The following ZNF383 variants were observed in gnomAD, a reference collection of about 807,000 sequenced individuals.
ZNF383 encodes zinc finger protein 383.
Under a neutral mutation model 44.2 loss-of-function variants are expected in ZNF383, and 32 were observed. That is an observed-to-expected ratio of 0.72 (90% CI 0.55 to 0.97). The LOEUF (loss-of-function observed/expected upper bound fraction) is 0.97, where lower values mean the gene tolerates loss of function less well. Ranked by LOEUF, ZNF383 falls within the 50% of genes least tolerant of loss-of-function variation. ZNF383 has a pLI of 0.00. For synonymous variants in ZNF383, 155 were observed against 186.2 expected, an observed-to-expected ratio of 0.83 and a Z score of 1.36; for missense variants, 487 against 562.5, an observed-to-expected ratio of 0.87 and a Z score of 1.36.
intron 1 of ZNF383, among the ~76,000 whole-genome samples, chr19:37,220,084 A>G (rs1972845085): frequency 6.6e-6 from 1 of 152,346 alleles, no homozygotes; most frequent in African/African-American, 2.4e-5. Context: ...GAAATAACCC[A>G]GTAATATTTT....
intron 2 of ZNF383, among the ~76,000 whole-genome samples, chr19:37,225,681 A>G (rs576185166): frequency 9.9e-5 from 15 of 152,272 alleles, no homozygotes; most frequent in African/African-American, 3.6e-4. Context: ...GCAGTTAGTC[A>G]GTAGACACAC....
At chr19:37,221,918 C>T (rs913112433) in intron 1 of ZNF383, among the ~76,000 whole-genome samples, 14 of 148,240 alleles carry the variant, frequency 9.4e-5, no homozygotes, top group South Asian at 2.1e-4. Flanking sequence ...ATTGTGCCAC[C>T]GCACTCCAGC....
chr19:37,242,222 C>T (rs552139692), intron 5 of ZNF383, among the ~76,000 whole-genome samples: 1 of 149,114 alleles, frequency 6.7e-6, no homozygotes, highest in South Asian at 2.2e-4. Flanking sequence ...TGATTCTGAT[C>T]CACATCCATA....
chr19:37,224,002 C>T (rs1973043001), intron 1 of ZNF383, among the ~76,000 whole-genome samples: 1 of 151,766 alleles, frequency 6.6e-6, no homozygotes, highest in African/African-American at 2.4e-5. Context: ...CCACTGCACT[C>T]CAGCCTGGGC....
At chr19:37,225,597 T>A (rs1179978726) in intron 2 of ZNF383, among the ~76,000 whole-genome samples, 1 of 152,074 alleles carries the variant, frequency 6.6e-6, no homozygotes, top group African/African-American at 2.4e-5. Context: ...GTGGAATCAT[T>A]TATAATAGTA....
In ZNF383 at chr19:37,247,814, A is replaced by T. The variant is rs1974422179; in HGVS notation, c.*4150A>T. The T allele has an allele frequency of 6.6e-6, 1 of 152,098 alleles. No individual in the cohort carries two copies. Among genetic ancestry groups the T allele is most frequent in the South Asian group, 2.1e-4 (1 of 4,828 alleles). The allele number at this position is 152,098 out of a possible 1,614,324, so 9.4% of individuals were successfully genotyped here. On this transcript the variant is annotated 3_prime_UTR_variant, in exon 6 of 6. Coordinates refer to ENST00000684119, the MANE Select transcript of ZNF383 (RefSeq NM_001387601.1). ...AACTGGAGGTGTAAAATCTTAATAG[A>T]CCTCCCTCCAGAATAAACTTATTTA...
chr19:37,246,715 G>A lies in ZNF383; in HGVS notation c.*3051G>A, dbSNP rs1470356849. 1 of 152,108 alleles carries A rather than the reference G, an allele frequency of 6.6e-6. No homozygotes were observed. The highest frequency in any genetic ancestry group is 2.4e-5 in the African/African-American group (1 of 41,412). The allele number at this position is 152,108 out of a possible 1,614,324, so 9.4% of individuals were successfully genotyped here. A position where few individuals can be genotyped will look rare whatever the true frequency, so the allele number is the denominator to read the frequency against. On this transcript the variant is annotated 3_prime_UTR_variant, in exon 6 of 6. Coordinates refer to ENST00000684119, the MANE Select transcript of ZNF383 (RefSeq NM_001387601.1). ...GAGGTGGGAGGATTGCTTGAACCTG[G>A]GAGTTGGAGGTTATAGTGAGCTGAG... is the stretch of plus-strand genomic sequence containing the variant.
chr19:37,221,982 A>T (rs1323243307), intron 1 of ZNF383, among the ~76,000 whole-genome samples: 1 of 151,088 alleles, frequency 6.6e-6, no homozygotes, highest in African/African-American at 2.4e-5. Context: ...AAGAAAAAGC[A>T]TATTCCTTTG....
At chr19:37,233,910 G>C (rs1973634865) in intron 3 of ZNF383, among the ~76,000 whole-genome samples, 1 of 151,166 alleles carries the variant, frequency 6.6e-6, no homozygotes, top group South Asian at 2.1e-4. Flanking sequence ...TATCGCCCAG[G>C]CTGGAGTGCA....
chr19:37,227,953 C>A (rs939697763), intron 2 of ZNF383, among the ~76,000 whole-genome samples: 5 of 152,188 alleles, frequency 3.3e-5, no homozygotes, highest in African/African-American at 1.2e-4. Flanking sequence ...AACATGAAAG[C>A]GGACCAGGAG....
chr19:37,224,198 A>C (rs1476126937), intron 1 of ZNF383, among the ~76,000 whole-genome samples: 3 of 152,212 alleles, frequency 2.0e-5, no homozygotes, highest in Non-Finnish European at 4.4e-5. Context: ...GGTATTGCAT[A>C]TATTTAAGGT....
At chr19:37,226,937 T>A (rs1343241982) in intron 2 of ZNF383, among the ~76,000 whole-genome samples, 1 of 151,926 alleles carries the variant, frequency 6.6e-6, no homozygotes, top group African/African-American at 2.4e-5. Context: ...GCCTCCCAAG[T>A]AGCTGCGACT....
At chr19:37,230,183 A>C (rs1027382603) in intron 2 of ZNF383, among the ~76,000 whole-genome samples, 4 of 152,156 alleles carry the variant, frequency 2.6e-5, no homozygotes, top group African/African-American at 4.8e-5. Context: ...GCAGGAACTT[A>C]GGTTGTTTGC....
chr19:37,223,568 A>T (rs972330754), intron 1 of ZNF383, among the ~76,000 whole-genome samples: 1 of 152,214 alleles, frequency 6.6e-6, no homozygotes, highest in Non-Finnish European at 1.5e-5. Context: ...AAATATCCCA[A>T]TGTTTGGGAT....
intron 2 of ZNF383, among the ~76,000 whole-genome samples, chr19:37,228,925 A>G (rs1032789921): frequency 6.6e-6 from 1 of 151,940 alleles, no homozygotes; most frequent in Non-Finnish European, 1.5e-5. Context: ...TTTCTTACAT[A>G]TTATTATGGA....
intron 2 of ZNF383, among the ~76,000 whole-genome samples, chr19:37,228,417 ATATT>A (rs1883342202): frequency 6.6e-6 from 1 of 150,862 alleles, no homozygotes; most frequent in South Asian, 2.1e-4. Flanking sequence ...CTAATGATTA[ATATT>A]TATATATAAT....
intron 2 of ZNF383, among the ~76,000 whole-genome samples, chr19:37,228,449 A>G (rs1025975744): frequency 8.6e-5 from 13 of 151,190 alleles, no homozygotes; most frequent in Admixed American, 3.3e-4. Flanking sequence ...TATTTTTAGT[A>G]TAACTATTTT....
At chr19:37,240,701 TTC>T (rs1974040925) in intron 5 of ZNF383, among the ~76,000 whole-genome samples, 1 of 152,238 alleles carries the variant, frequency 6.6e-6, no homozygotes, top group African/African-American at 2.4e-5. Flanking sequence ...CATAAAATAA[TTC>T]TGAGTTTTCC....
chr19:37,245,229 G>A lies in ZNF383; in HGVS notation c.*1565G>A, dbSNP rs376800794. 1 of 151,936 alleles carries A rather than the reference G, an allele frequency of 6.6e-6. No individual in the cohort carries two copies. The highest frequency in any genetic ancestry group is 1.5e-5 in the Non-Finnish European group (1 of 68,022). 9.4% of individuals were successfully genotyped at this position (151,936 alleles called of 1,614,324 possible). On this transcript the variant is annotated 3_prime_UTR_variant, in exon 6 of 6. Coordinates refer to ENST00000684119, the MANE Select transcript of ZNF383 (RefSeq NM_001387601.1). ...GGCGGAGGTTGCAGTGAGCTGAGAT[G>A]GTGCCACTGCACTCCAGCCTGGGGG...
Sources: gnomAD v4.1 joint callset for allele counts (sites outside exome capture counted in the v4.1 genomes callset) on GRCh38, gnomAD v4.1.1 for gene constraint, MANE v1.5 for transcripts, NCBI Gene and HGNC (gene_info 2026-07-23, HGNC 2026-07-21) for gene names.